KLHDC4: variants seen among roughly 807,000 people sequenced by gnomAD.
The protein encoded by KLHDC4 is kelch domain-containing protein 4.
Under a neutral mutation model 62.4 loss-of-function variants are expected in KLHDC4, and 90 were observed. The observed-to-expected ratio is 1.44, with a 90% CI of 1.22 to 1.72. The LOEUF is 1.72. KLHDC4 is among the 40% of genes most tolerant of loss of function. KLHDC4 has a pLI of 0.00. For synonymous variants in KLHDC4, 386 were observed against 284.4 expected (o/e 1.36, Z -3.59); for missense variants, 1,025 against 699.7 (o/e 1.47, Z -5.25).
At position 87,731,822 on chromosome 16, in the gene KLHDC4, C is replaced by T. The variant is rs147816192; in HGVS notation, c.507-1178G>A. On this transcript the variant is annotated intron_variant, in intron 5 of 11. Coordinates refer to ENST00000270583, the MANE Select transcript of KLHDC4 (RefSeq NM_017566.4). ...TGTCCCTCAGTGGGTGAATGAACAGCATGTGGTGCTCCCCACATGGGGGAG... is the reference window on the plus strand; with the variant it reads ...TGTCCCTCAGTGGGTGAATGAACAGTATGTGGTGCTCCCCACATGGGGGAG... Among the ~76,000 whole-genome samples the T allele has an allele frequency of 2.0e-4, 30 of 152,346 alleles. No individual in the cohort carries two copies. The East Asian group carries it at 4.6e-3, about 23-fold the overall frequency.
At chr16:87,746,972 G>A (rs949388594) in intron 5 of KLHDC4, among the ~76,000 whole-genome samples, 4 of 152,246 alleles carry the variant, frequency 2.6e-5, no homozygotes, top group Admixed American at 1.3e-4. Flanking sequence ...GTGGGATGCA[G>A]CTGGAGCTGC....
intron 2 of KLHDC4, among the ~76,000 whole-genome samples, chr16:87,761,483 G>A (rs184135134): frequency 5.9e-5 from 9 of 152,106 alleles, no homozygotes; most frequent in East Asian, 3.8e-4. Context: ...CTACAGACTC[G>A]GAACGTTTTT....
chr16:87,758,676 G>C (rs933914158), intron 2 of KLHDC4, among the ~76,000 whole-genome samples: 1 of 152,028 alleles, frequency 6.6e-6, no homozygotes, highest in Admixed American at 6.6e-5. Flanking sequence ...TAGCTGATGA[G>C]CTTTAAAAAA....
At chr16:87,742,423 G>A (rs868344273) in intron 5 of KLHDC4, among the ~76,000 whole-genome samples, 19 of 152,268 alleles carry the variant, frequency 1.2e-4, no homozygotes, top group Non-Finnish European at 2.2e-4. Flanking sequence ...GATCTAAGAG[G>A]TATTTTACAT....
intron 7 of KLHDC4, among the ~76,000 whole-genome samples, chr16:87,715,277 T>C (rs2036718438): frequency 6.6e-6 from 1 of 152,234 alleles, no homozygotes; most frequent in Non-Finnish European, 1.5e-5. Context: ...TTTAATACAC[T>C]ATTTTAGAAG....
chr16:87,747,281 A>G (rs1206553058), intron 5 of KLHDC4, among the ~76,000 whole-genome samples: 1 of 152,212 alleles, frequency 6.6e-6, no homozygotes, highest in South Asian at 2.1e-4. Flanking sequence ...TCACCTGTCA[A>G]TTGTGAACAA....
At chr16:87,712,853 T>A (rs1185017015) in intron 8 of KLHDC4, among the ~76,000 whole-genome samples, 1 of 152,184 alleles carries the variant, frequency 6.6e-6, no homozygotes, top group African/African-American at 2.4e-5. Flanking sequence ...GCCTAGGCAT[T>A]GGGTCTCCTG....
chr16:87,710,537 G>C (rs1342258105), intron 9 of KLHDC4: 1 of 152,240 alleles, frequency 6.6e-6, no homozygotes, highest in African/African-American at 2.4e-5. Context: ...ACACTAGCTG[G>C]GGTCAACACG....
rs1449913461 is a variant in KLHDC4 at position 87,724,548 on chromosome 16, G to T, written c.759+2217C>A. ...GCCCATTAAAAATAGCAGAAGACAT[G>T]AACACACACTTCAGGAAAGACAAGC... On this transcript the variant is annotated intron_variant, in intron 7 of 11. Transcript: ENST00000270583. 2.6e-5 allele frequency among the ~76,000 whole-genome samples: 4 copies of T among 152,162 alleles called. No individual in the cohort carries two copies. In the East Asian group the frequency reaches 7.7e-4, roughly 29 times the overall value.
intron 2 of KLHDC4, among the ~76,000 whole-genome samples, chr16:87,759,572 C>T (rs936315136): frequency 6.6e-6 from 1 of 152,138 alleles, no homozygotes; most frequent in African/African-American, 2.4e-5. Context: ...CACGGAGAAA[C>T]TCCGTCTCTA....
At chr16:87,740,585 C>A (rs557705230) in intron 5 of KLHDC4, 3 of 152,228 alleles carry the variant, frequency 2.0e-5, no homozygotes, top group African/African-American at 7.2e-5. Context: ...GACACACCTT[C>A]GTCAAAGGAA....
Position 87,709,675 on chromosome 16 carries a change from T to C in KLHDC4, c.1045-8A>G, listed in dbSNP as rs374212351. 1.3e-5 allele frequency: 21 copies of C among 1,578,356 alleles called. No homozygotes were observed. The Admixed American group carries it at 3.1e-4, about 23-fold the overall frequency. On this transcript the variant is annotated splice_region_variant and splice_polypyrimidine_tract_variant and intron_variant, in intron 9 of 11. Coordinates refer to ENST00000270583, the MANE Select transcript of KLHDC4 (RefSeq NM_017566.4). Reference sequence around the variant, plus strand: ...CTTTTCAGACTTGGGTCCCTATTAATAGACCGAGGAAGCAGAGAGCAGCAG... The same window carrying C: ...CTTTTCAGACTTGGGTCCCTATTAACAGACCGAGGAAGCAGAGAGCAGCAG...
intron 7 of KLHDC4, among the ~76,000 whole-genome samples, chr16:87,719,926 G>C (rs887670767): frequency 6.6e-6 from 1 of 152,180 alleles, no homozygotes; most frequent in East Asian, 1.9e-4. Context: ...CACACGCCAA[G>C]TCCCAACGGG....
At chr16:87,716,439 C>G (rs924527093) in intron 7 of KLHDC4, among the ~76,000 whole-genome samples, 1 of 152,182 alleles carries the variant, frequency 6.6e-6, no homozygotes, top group South Asian at 2.1e-4. Flanking sequence ...CAACGACACA[C>G]AGCTGCCACT....
intron 2 of KLHDC4, among the ~76,000 whole-genome samples, chr16:87,758,897 C>G (rs546646232): frequency 9.1e-4 from 125 of 137,642 alleles, no homozygotes; most frequent in African/African-American, 3.6e-3. Flanking sequence ...AAATTTTGGC[C>G]AGGCGCATTG....
chr16:87,761,142 A>T (rs1473014884), intron 2 of KLHDC4, among the ~76,000 whole-genome samples: 1 of 152,244 alleles, frequency 6.6e-6, no homozygotes, highest in Non-Finnish European at 1.5e-5. Flanking sequence ...ACATGAAGTG[A>T]AAACCAGGAA....
chr16:87,738,862 C>T (rs866126152), intron 5 of KLHDC4, among the ~76,000 whole-genome samples: 2 of 44,386 alleles, frequency 4.5e-5, no homozygotes, highest in Admixed American at 2.1e-4. Context: ...CACACCAGCA[C>T]CTCATCCACA....
At chr16:87,735,741 C>G (rs1180851337) in intron 5 of KLHDC4, among the ~76,000 whole-genome samples, 1 of 152,232 alleles carries the variant, frequency 6.6e-6, no homozygotes, top group Non-Finnish European at 1.5e-5. Context: ...AAAAAATCCA[C>G]ATGTCCTCCT....
intron 5 of KLHDC4, among the ~76,000 whole-genome samples, chr16:87,740,182 A>C (rs34964102): frequency 0.057 from 8,742 of 152,246 alleles, 325 homozygotes; most frequent in South Asian, 0.15. Context: ...TGTGGCAGGC[A>C]GACCTAACCA....
Sources: allele counts gnomAD v4.1 joint callset (sites outside exome capture counted in the v4.1 genomes callset), GRCh38; gene constraint gnomAD v4.1.1; transcripts MANE v1.5; gene names NCBI Gene and HGNC (gene_info 2026-07-23, HGNC 2026-07-21).